ZBTB8OS: variants seen among roughly 807,000 people sequenced by gnomAD.
The protein encoded by ZBTB8OS is tRNA-splicing ligase-activating factor archease.
ZBTB8OS carries 16 observed loss-of-function variants against 29.3 expected under a neutral mutation model. The ratio of observed to expected loss-of-function variants is 0.55; its 90% CI spans 0.37 to 0.83. The LOEUF is 0.83. ZBTB8OS is among the 40% of genes least tolerant of loss of function. ZBTB8OS has a pLI of 0.00. For missense variants in ZBTB8OS, 160 were observed against 196.9 expected (o/e 0.81, Z 1.12); for synonymous variants, 70 against 64.6 (o/e 1.08, Z -0.40).
chr1:32,641,782 A>G (rs1474474659), intron 1 of ZBTB8OS, among the ~76,000 whole-genome samples: 1 of 150,684 alleles, frequency 6.6e-6, no homozygotes, highest in African/African-American at 2.4e-5. Context: ...TTAGCCGGGC[A>G]TGGTGGCTGG....
chr1:32,643,524 C>A (rs1646597986), intron 1 of ZBTB8OS, among the ~76,000 whole-genome samples: 1 of 151,362 alleles, frequency 6.6e-6, no homozygotes. Context: ...CTCTAGGTAG[C>A]TGGGACTGTG....
chr1:32,627,101 C>CA (rs1645182590), intron 6 of ZBTB8OS, among the ~76,000 whole-genome samples: 1 of 152,142 alleles, frequency 6.6e-6, no homozygotes, highest in South Asian at 2.1e-4. Flanking sequence ...CAGAAAAAAA[C>CA]TGCCAACTCC....
chr1:32,629,194 T>C (rs1363383781), intron 5 of ZBTB8OS, among the ~76,000 whole-genome samples: 3 of 151,706 alleles, frequency 2.0e-5, no homozygotes, highest in Admixed American at 6.6e-5. Flanking sequence ...GAAGATAGCT[T>C]GAGCTCAGGG....
upstream of ZBTB8OS, chr1:32,650,632 A>G (rs1027928710): frequency 2.0e-5 from 32 of 1,597,152 alleles, no homozygotes; most frequent in African/African-American, 4.2e-4. Context: ...ACACCCTTAA[A>G]GGACCACACT....
At chr1:32,628,958 AT>A (rs1214224033) in intron 5 of ZBTB8OS, among the ~76,000 whole-genome samples, 8 of 152,280 alleles carry the variant, frequency 5.3e-5, no homozygotes, top group Middle Eastern at 6.8e-3. Context: ...CAAAAAATTA[AT>A]TTTAAAAACT....
chr1:32,628,323 C>T (rs1311757608), intron 5 of ZBTB8OS, among the ~76,000 whole-genome samples: 3 of 145,500 alleles, frequency 2.1e-5, no homozygotes, highest in African/African-American at 5.1e-5. Context: ...CGCCACTGCA[C>T]TCCACCCTAG....
intron 6 of ZBTB8OS, among the ~76,000 whole-genome samples, chr1:32,627,125 T>A (rs1269530839): frequency 1.3e-5 from 2 of 152,132 alleles, no homozygotes; most frequent in Non-Finnish European, 2.9e-5. Context: ...TCCAATAGAT[T>A]TTCCTACCAT....
At chr1:32,628,385 C>T (rs1016313758) in intron 5 of ZBTB8OS, among the ~76,000 whole-genome samples, 7 of 151,664 alleles carry the variant, frequency 4.6e-5, no homozygotes, top group African/African-American at 1.7e-4. Flanking sequence ...GCCTGTAATC[C>T]CAGCACTTTG....
chr1:32,643,396 G>A (rs80288648), intron 1 of ZBTB8OS, among the ~76,000 whole-genome samples: 1 of 2,458 alleles, frequency 4.1e-4, no homozygotes, highest in Non-Finnish European at 9.0e-4. Context: ...TTAGTTTTTG[G>A]TTTTTTTTTC....
chr1:32,644,827 G>A (rs1024319576), intron 1 of ZBTB8OS, among the ~76,000 whole-genome samples: 12 of 150,386 alleles, frequency 8.0e-5, no homozygotes, highest in African/African-American at 1.2e-4. Flanking sequence ...TTATAGGCAC[G>A]AGCCACCTCA....
chr1:32,643,989 G>T (rs1213606989), intron 1 of ZBTB8OS, among the ~76,000 whole-genome samples: 1 of 151,896 alleles, frequency 6.6e-6, no homozygotes, highest in Non-Finnish European at 1.5e-5. Flanking sequence ...CCTAGAGACG[G>T]CTAATGCTCA....
intron 1 of ZBTB8OS, chr1:32,640,131 C>G (rs1646285403): frequency 6.6e-6 from 1 of 151,758 alleles, no homozygotes; most frequent in Non-Finnish European, 1.5e-5. Context: ...CAGTCTTGCT[C>G]TGTCGCCCAG....
At chr1:32,649,533 T>C (rs542844664) in intron 1 of ZBTB8OS, among the ~76,000 whole-genome samples, 2 of 152,028 alleles carry the variant, frequency 1.3e-5, no homozygotes, top group African/African-American at 4.8e-5. Context: ...CTAAAGTCAC[T>C]AAGCGAATAA....
intron 6 of ZBTB8OS, among the ~76,000 whole-genome samples, chr1:32,623,311 T>C (rs1016765019): frequency 6.6e-6 from 1 of 152,226 alleles, no homozygotes; most frequent in African/African-American, 2.4e-5. Flanking sequence ...CCTGAGTGTA[T>C]GTCCACACAT....
chr1:32,634,707 T>C (rs1645821275), intron 2 of ZBTB8OS, 61 bp downstream of exon 2: 5 of 1,607,422 alleles, frequency 3.1e-6, no homozygotes, highest in East Asian at 4.5e-5. Context: ...GATACCAAGA[T>C]TGAAACATTC....
At chr1:32,643,020 C>G (rs1646541427) in intron 1 of ZBTB8OS, among the ~76,000 whole-genome samples, 1 of 148,554 alleles carries the variant, frequency 6.7e-6, no homozygotes, top group African/African-American at 2.5e-5. Flanking sequence ...ATCTGCGGGC[C>G]TCGGCCTCCC....
rs374483381 is a variant in ZBTB8OS at position 32,637,864 on chromosome 1, C to T, written c.98-3072G>A. ...AATTTTTTTTTGAGACAGAGTCTCT[C>T]GCTCTGTAGCCCCGGCTGGAGTGCA... On this transcript the variant is annotated intron_variant, in intron 1 of 6. Transcript: ENST00000468695. Among the ~76,000 whole-genome samples the T allele has an allele frequency of 2.5e-4, 38 of 152,160 alleles. No individual in the cohort carries two copies. In the South Asian group the frequency reaches 6.2e-3, roughly 25 times the overall value.
chr1:32,637,857 A>T (rs1487549975), intron 1 of ZBTB8OS, among the ~76,000 whole-genome samples: 4 of 152,008 alleles, frequency 2.6e-5, no homozygotes, highest in African/African-American at 7.2e-5. Context: ...TTTGAGACAG[A>T]GTCTCTCGCT....
At chr1:32,631,992 C>A in intron 4 of ZBTB8OS, 113 bp from the exon 5 acceptor site, 1 of 135,418 alleles carries the variant, frequency 7.4e-6, no homozygotes, top group Non-Finnish European at 1.4e-5. Context: ...TTGGTAAAAC[C>A]TTTTTTTTTT....
Sources: allele counts gnomAD v4.1 joint callset (sites outside exome capture counted in the v4.1 genomes callset), GRCh38; gene constraint gnomAD v4.1.1; transcripts MANE v1.5; gene names NCBI Gene and HGNC (gene_info 2026-07-23, HGNC 2026-07-21).